MAP3K15: variants seen among roughly 807,000 people sequenced by gnomAD.
The protein encoded by MAP3K15 is mitogen-activated protein kinase kinase kinase 15, also known as MAPK/ERK kinase kinase 15.
Under a neutral mutation model 99.5 loss-of-function variants are expected in MAP3K15, and 124 were observed. That is an observed-to-expected ratio of 1.25 (90% CI 1.08 to 1.45). The LOEUF is 1.45. Ranked by LOEUF, MAP3K15 falls within the 40% of genes most tolerant of loss-of-function variation. The probability of loss-of-function intolerance (pLI) is 0.00; values close to 1 mark genes in which losing one functional copy is unlikely to be tolerated. For missense variants in MAP3K15, 1,242 were observed against 1,079.7 expected (o/e 1.15, Z -2.11); for synonymous variants, 494 against 439.6 (o/e 1.12, Z -1.55).
In MAP3K15 at chrX:19,445,349, G is replaced by A. The variant is rs569137224; in HGVS notation, c.995+11564C>T. On this transcript the variant is annotated intron_variant, in intron 6 of 28. Coordinates refer to ENST00000338883, the MANE Select transcript of MAP3K15 (RefSeq NM_001001671.4). ...CTCATGCCTGTAATCCCAGCACTTT[G>A]GGAGGCTGAGGTGGGTGGATCACTT... Among the ~76,000 whole-genome samples the A allele has an allele frequency of 1.5e-3, 168 of 110,175 alleles. 1 individual carries two copies. In the South Asian group the frequency reaches 0.016, roughly 11 times the overall value.
intron 25 of MAP3K15, among the ~76,000 whole-genome samples, chrX:19,366,988 G>C (rs1486964751): frequency 8.9e-6 from 1 of 111,816 alleles, no homozygotes; most frequent in Non-Finnish European, 1.9e-5. Context: ...TCATTACTGG[G>C]TATATGCCCA....
chrX:19,457,615 C>T (rs2064103243), intron 5 of MAP3K15, among the ~76,000 whole-genome samples: 1 of 111,578 alleles, frequency 9.0e-6, no homozygotes, highest in East Asian at 2.8e-4. Context: ...CCGTCTGTCT[C>T]AAAATCAAAA....
rs762993739 is a variant in MAP3K15 at position 19,373,501 on chromosome X, C to CG, written c.2933+34dup. ...TGGCGGAGGACTACCAGCACCCTTT[C>CG]GGGCCCGCGGCAGACAGACAGAATA... On this transcript the variant is annotated intron_variant, in intron 21 of 28. Coordinates refer to ENST00000338883, the MANE Select transcript of MAP3K15 (RefSeq NM_001001671.4). The CG allele has an allele frequency of 1.1e-5, 13 of 1,161,744 alleles. No individual in the cohort carries two copies. The South Asian group carries it at 2.5e-4, about 22-fold the overall frequency.
chrX:19,366,140 G>A (rs2063333436), intron 25 of MAP3K15, among the ~76,000 whole-genome samples: 1 of 110,250 alleles, frequency 9.1e-6, no homozygotes, highest in African/African-American at 3.3e-5. Context: ...GGGGAGAGGA[G>A]AACACTTCTG....
At chrX:19,441,416 T>C (rs2147327740) in intron 6 of MAP3K15, among the ~76,000 whole-genome samples, 1 of 109,475 alleles carries the variant, frequency 9.1e-6, no homozygotes, top group South Asian at 4.0e-4. Flanking sequence ...CTGATCGTAG[T>C]GATGGTTGTA....
intron 3 of MAP3K15, among the ~76,000 whole-genome samples, chrX:19,485,484 G>C (rs1399439664): frequency 9.1e-6 from 1 of 109,978 alleles, no homozygotes; most frequent in Non-Finnish European, 1.9e-5. Context: ...AGGCCTGCTT[G>C]TAAAATTCAT....
At chrX:19,390,760 C>T (rs1429786053) in intron 18 of MAP3K15, among the ~76,000 whole-genome samples, 1 of 105,858 alleles carries the variant, frequency 9.4e-6, no homozygotes, top group Non-Finnish European at 1.9e-5. Flanking sequence ...TCTTGCACTG[C>T]TGGCCTCAAG....
intron 15 of MAP3K15, among the ~76,000 whole-genome samples, chrX:19,397,300 G>A (rs1410579531): frequency 9.0e-6 from 1 of 111,715 alleles, no homozygotes; most frequent in Non-Finnish European, 1.9e-5. Flanking sequence ...TGAGGGTGAA[G>A]GGTAGGATGT....
intron 3 of MAP3K15, chrX:19,481,751 G>A (rs1037268905): frequency 9.0e-6 from 1 of 111,717 alleles, no homozygotes; most frequent in Admixed American, 9.5e-5. Flanking sequence ...TCACTAGAAT[G>A]GCTATAATAA....
chrX:19,432,557 C>CA (rs58029753), intron 6 of MAP3K15, among the ~76,000 whole-genome samples: 9,511 of 45,131 alleles, frequency 0.21, 768 homozygotes, highest in African/African-American at 0.4. Context: ...TCTGTCTCAA[C>CA]AAAAAAAAAA....
At position 19,361,313 on chromosome X, in the gene MAP3K15, T is replaced by A. The variant is rs755594888; in HGVS notation, c.3857+26A>T. ...TCACACATAAAAAGTTGTATTCTCT[T>A]ATACAAACTGTTTTGAGGCTCTTAC... On this transcript the variant is annotated intron_variant, in intron 28 of 28. Coordinates refer to ENST00000338883, the MANE Select transcript of MAP3K15 (RefSeq NM_001001671.4). 7 of 1,144,642 alleles carry A rather than the reference T, an allele frequency of 6.1e-6. No individual in the cohort carries two copies. The South Asian group carries it at 9.4e-5, about 15-fold the overall frequency. 94.3% of individuals were successfully genotyped at this position (1,144,642 alleles called of 1,213,427 possible). A position where few individuals can be genotyped will look rare whatever the true frequency, so the allele number is the denominator to read the frequency against.
rs202102403 is a variant in MAP3K15 at position 19,360,844 on chromosome X, AAC to A, written c.3858-13_3858-12del. 15,729 of 1,174,388 alleles carry A rather than the reference AAC, an allele frequency of 0.013. 97 individuals carry two copies. Among genetic ancestry groups the A allele is most frequent in the Non-Finnish European group, 0.016 (14,164 of 869,975 alleles). Reference sequence around the variant, plus strand: ...CAGAGGAGACCACCCCTGGGAAACAAACACAGCTGTCTTCAGAGTCAGTGCTT... The same window carrying A: ...CAGAGGAGACCACCCCTGGGAAACAAACAGCTGTCTTCAGAGTCAGTGCTT... On this transcript the variant is annotated splice_polypyrimidine_tract_variant and intron_variant, in intron 28 of 28. Coordinates refer to ENST00000338883, the MANE Select transcript of MAP3K15 (RefSeq NM_001001671.4).
At chrX:19,427,334 C>G (rs1464977632) in intron 7 of MAP3K15, among the ~76,000 whole-genome samples, 1 of 111,063 alleles carries the variant, frequency 9.0e-6, no homozygotes, top group Admixed American at 9.7e-5. Flanking sequence ...AGTTGGATTC[C>G]AATTATGCAT....
intron 8 of MAP3K15, 63 bp from the exon 9 acceptor site, chrX:19,425,753 A>T: frequency 9.7e-7 from 1 of 1,034,295 alleles, no homozygotes; most frequent in Non-Finnish European, 1.3e-6. Context: ...TACTGAGGAT[A>T]AGCAGGTATT....
intron 2 of MAP3K15, among the ~76,000 whole-genome samples, chrX:19,487,834 G>A (rs1165253230): frequency 9.0e-6 from 1 of 111,456 alleles, no homozygotes; most frequent in Non-Finnish European, 1.9e-5. Context: ...CTATCTACCA[G>A]TGATTTTTAA....
At chrX:19,511,851 C>T (rs920772792) in intron 1 of MAP3K15, among the ~76,000 whole-genome samples, 1 of 112,098 alleles carries the variant, frequency 8.9e-6, no homozygotes, top group South Asian at 3.7e-4. Flanking sequence ...TCATTCTACT[C>T]TAAAGACACA....
In MAP3K15 at chrX:19,445,037, T is replaced by C. The variant is rs778838113; in HGVS notation, c.995+11876A>G. Among the ~76,000 whole-genome samples, 50 of 111,160 alleles carry C rather than the reference T, an allele frequency of 4.5e-4. 1 individual carries two copies. Among genetic ancestry groups the C allele is most frequent in the African/African-American group, 1.6e-3 (49 of 30,629 alleles). ...TGAGACAACTCTATATGTTGTTCTA[T>C]AGAGAATGTTCTATAAAGCCTCCCC... On this transcript the variant is annotated intron_variant, in intron 6 of 28. Transcript: ENST00000338883.
intron 28 of MAP3K15, 23 bp downstream of exon 28, chrX:19,361,310 TCTTATA>T (rs760296050): frequency 8.8e-7 from 1 of 1,133,896 alleles, no homozygotes; most frequent in Non-Finnish European, 1.2e-6. Context: ...AGTTGTATTC[TCTTATA>T]CAAACTGTTT....
intron 6 of MAP3K15, among the ~76,000 whole-genome samples, chrX:19,455,320 A>T (rs1432489953): frequency 9.4e-6 from 1 of 106,883 alleles, no homozygotes; most frequent in Non-Finnish European, 1.9e-5. Context: ...CCTAAATACC[A>T]ATTTTCTATG....
Sources: allele counts gnomAD v4.1 joint callset (sites outside exome capture counted in the v4.1 genomes callset), GRCh38; gene constraint gnomAD v4.1.1; transcripts MANE v1.5; gene names NCBI Gene and HGNC (gene_info 2026-07-23, HGNC 2026-07-21).